The following TAFA2 variants were observed in gnomAD, a reference collection of about 807,000 sequenced individuals.
TAFA2 encodes TAFA chemokine like family member 2.
A neutral mutation model predicts 18.8 loss-of-function variants in TAFA2; 7 were observed. That is an observed-to-expected ratio of 0.37 (90% CI 0.21 to 0.70). TAFA2 has a LOEUF of 0.70. TAFA2 is among the 30% of genes least tolerant of loss of function. TAFA2 has a pLI of 0.53. For synonymous variants in TAFA2, 60 were observed against 54.2 expected (o/e 1.11, Z -0.47); for missense variants, 122 against 158.1 (o/e 0.77, Z 1.23).
intron 1 of TAFA2, among the ~76,000 whole-genome samples, chr12:62,004,386 T>G (rs554203640): frequency 6.6e-6 from 1 of 152,218 alleles, no homozygotes; most frequent in South Asian, 2.1e-4. Flanking sequence ...TTCAACTCAT[T>G]TAAATGAAAT....
rs1874995402 is a variant in TAFA2, at chr12:61,879,130, AC to A, written c.-1-11705del. On this transcript the variant is annotated intron_variant, in intron 1 of 4. Transcript: ENST00000416284. ...GGAGGCTGCAGGGAAACGTGATGGC[AC>A]CACTACACTCCAGCCTGGGCAACAG... 2.0e-5 allele frequency among the ~76,000 whole-genome samples: 3 copies of A among 152,156 alleles called. No individual in the cohort carries two copies. The South Asian group carries it at 6.2e-4, about 32-fold the overall frequency.
chr12:61,908,390 T>G (rs1184207743), intron 1 of TAFA2, among the ~76,000 whole-genome samples: 1 of 152,044 alleles, frequency 6.6e-6, no homozygotes, highest in African/African-American at 2.4e-5. Context: ...CCTGTTGCCA[T>G]GTAAGACAAC....
chr12:62,075,404 G>C (rs1565736196), intron 1 of TAFA2, among the ~76,000 whole-genome samples: 1 of 152,132 alleles, frequency 6.6e-6, no homozygotes, highest in Non-Finnish European at 1.5e-5. Flanking sequence ...ATGGCCATGT[G>C]TCCAAGCTCT....
At chr12:61,786,119 A>G (rs1434102481) in intron 2 of TAFA2, among the ~76,000 whole-genome samples, 1 of 151,606 alleles carries the variant, frequency 6.6e-6, no homozygotes, top group Non-Finnish European at 1.5e-5. Flanking sequence ...AACATCCACA[A>G]AGATTAAAAG....
intron 4 of TAFA2, among the ~76,000 whole-genome samples, chr12:61,744,790 A>G (rs907199303): frequency 6.6e-6 from 1 of 151,904 alleles, no homozygotes; most frequent in African/African-American, 2.4e-5. Flanking sequence ...GCCTCAAGCA[A>G]TCCTCCCACC....
At position 61,877,958 on chromosome 12, in the gene TAFA2, T is replaced by A. The variant is rs180924146; in HGVS notation, c.-1-10532A>T. On this transcript the variant is annotated intron_variant, in intron 1 of 4. Transcript: ENST00000416284. ...ACACACACATACATATACATATATA[T>A]ACACACACAGTGGAATATTATTCAG... is the stretch of plus-strand genomic sequence containing the variant. 7.0e-3 allele frequency: 3,007 copies of A among 426,724 alleles called. 20 individuals are homozygous for A. Among genetic ancestry groups the A allele is most frequent in the Non-Finnish European group, 0.01 (2,235 of 215,118 alleles). The allele number at this position is 426,724 out of a possible 1,614,324, so 26.4% of individuals were successfully genotyped here.
intron 1 of TAFA2, among the ~76,000 whole-genome samples, chr12:62,044,189 C>T (rs1048014514): frequency 6.6e-6 from 1 of 151,918 alleles, no homozygotes; most frequent in Non-Finnish European, 1.5e-5. Context: ...AACTCAGATT[C>T]CAAAATCTCC....
chr12:61,850,610 T>C (rs1873601390), intron 2 of TAFA2, among the ~76,000 whole-genome samples: 1 of 152,076 alleles, frequency 6.6e-6, no homozygotes, highest in South Asian at 2.1e-4. Context: ...ATCTTTTATT[T>C]TCTGAAATAG....
At chr12:62,069,390 C>G (rs547621888) in intron 1 of TAFA2, among the ~76,000 whole-genome samples, 17 of 152,130 alleles carry the variant, frequency 1.1e-4, no homozygotes, top group African/African-American at 3.9e-4. Flanking sequence ...CCTATACACA[C>G]CACATAATGA....
At chr12:62,119,649 A>G (rs981728197) in intron 1 of TAFA2, among the ~76,000 whole-genome samples, 1 of 152,174 alleles carries the variant, frequency 6.6e-6, no homozygotes, top group Non-Finnish European at 1.5e-5. Context: ...CCTGTACCTT[A>G]TAGATAAGTA....
intron 1 of TAFA2, among the ~76,000 whole-genome samples, chr12:61,885,015 C>T (rs144798680): frequency 6.6e-6 from 1 of 151,740 alleles, no homozygotes; most frequent in Non-Finnish European, 1.5e-5. Flanking sequence ...CTGTAGGAAG[C>T]ATCTAAATTT....
chr12:61,718,790 T>TA (rs2120579755), intron 4 of TAFA2, among the ~76,000 whole-genome samples: 1 of 152,336 alleles, frequency 6.6e-6, no homozygotes, highest in South Asian at 2.1e-4. Flanking sequence ...TGATAGTTTT[T>TA]ATCCCCTTTC....
upstream of TAFA2, among the ~76,000 whole-genome samples, chr12:62,196,979 G>A (rs1245639): frequency 0.49 from 73,885 of 152,100 alleles, 18,749 homozygotes; most frequent in East Asian, 0.69. Context: ...CTCACAGCAG[G>A]GGTGAGCTGT....
intron 2 of TAFA2, among the ~76,000 whole-genome samples, chr12:61,838,297 C>T (rs189492939): frequency 6.6e-6 from 1 of 151,970 alleles, no homozygotes; most frequent in Non-Finnish European, 1.5e-5. Flanking sequence ...ATCACTCCTG[C>T]CCTTAATACA....
intron 4 of TAFA2, among the ~76,000 whole-genome samples, chr12:61,743,464 G>C (rs186839497): frequency 6.6e-6 from 1 of 152,082 alleles, no homozygotes; most frequent in Non-Finnish European, 1.5e-5. Flanking sequence ...ATTGCTCCTA[G>C]TGCTTTAATT....
chr12:62,236,431 A>T (rs1592413976), intron 1 of TAFA2, among the ~76,000 whole-genome samples: 1 of 151,896 alleles, frequency 6.6e-6, no homozygotes, highest in Non-Finnish European at 1.5e-5. Context: ...TGCCTGGCTA[A>T]TTTTTTTGTA....
intron 1 of TAFA2, chr12:62,207,309 T>C (rs535764846): frequency 6.6e-6 from 1 of 152,132 alleles, no homozygotes; most frequent in Non-Finnish European, 1.5e-5. Flanking sequence ...TAGGGAAAAA[T>C]ATATGGCCAC....
intron 1 of TAFA2, among the ~76,000 whole-genome samples, chr12:62,113,462 G>A (rs1869824901): frequency 1.3e-5 from 2 of 152,088 alleles, no homozygotes; most frequent in African/African-American, 4.8e-5. Flanking sequence ...GGCACAGGAG[G>A]CACGGAGTTC....
chr12:62,244,119 G>A lies in TAFA2; in HGVS notation c.-130+14644C>T, dbSNP rs1463305690. 4.2e-5 allele frequency among the ~76,000 whole-genome samples: 6 copies of A among 143,824 alleles called. No individual in the cohort carries two copies. The South Asian group carries it at 1.4e-3, about 32-fold the overall frequency. The allele number at this position is 143,824 out of a possible 152,430, so 94.4% of individuals were successfully genotyped here. ...TTTTTTTTTCTATCAGGAATGTATT[G>A]TATGCTCATTAAGAAAATTAAGAAA... On this transcript the variant is annotated intron_variant, in intron 1 of 5. Transcript: ENST00000551619.
Sources: allele counts gnomAD v4.1 joint callset (sites outside exome capture counted in the v4.1 genomes callset), GRCh38; gene constraint gnomAD v4.1.1; transcripts MANE v1.5; gene names NCBI Gene and HGNC (gene_info 2026-07-23, HGNC 2026-07-21).